Variants in TUBG1 observed in about 807,000 individuals in gnomAD.
TUBG1 encodes tubulin gamma 1.
Under a neutral mutation model 53.3 loss-of-function variants are expected in TUBG1, and 22 were observed. That is an observed-to-expected ratio of 0.41 (90% CI 0.29 to 0.59). TUBG1 has a LOEUF of 0.59. Ranked by LOEUF, TUBG1 falls within the 20% of genes least tolerant of loss-of-function variation. The probability of loss-of-function intolerance (pLI) is 0.26; values close to 1 mark genes in which losing one functional copy is unlikely to be tolerated. For synonymous variants in TUBG1, 198 were observed against 236.7 expected (o/e 0.84, Z 1.50); for missense variants, 217 against 598.9 (o/e 0.36, Z 6.66).
At chr17:42,612,404 C>T (rs760383580) in intron 4 of TUBG1, 23 bp from the exon 5 acceptor site, 1 of 1,612,864 alleles carries the variant, frequency 6.2e-7, no homozygotes, top group Non-Finnish European at 8.5e-7. Context: ...TACCTGTACA[C>T]TGACTGCCCC....
At position 42,610,258 on chromosome 17, in the gene TUBG1, A is replaced by G. The variant is rs371943035; in HGVS notation, c.162+38A>G. ...ACTTGGCCGGGGGCGGCAGTTGCCCAAGGGGGCGGAAGGGAAGGGAGTGGC... is the reference window on the plus strand; with the variant it reads ...ACTTGGCCGGGGGCGGCAGTTGCCCGAGGGGGCGGAAGGGAAGGGAGTGGC... On this transcript the variant is annotated intron_variant, in intron 2 of 10. Transcript: ENST00000251413. 90 of 1,613,598 alleles carry G rather than the reference A, an allele frequency of 5.6e-5. 1 individual carries two copies. In the African/African-American group the frequency reaches 1.0e-3, roughly 18 times the overall value.
At chr17:42,613,221 C>T (rs900250349) in intron 6 of TUBG1, 148 bp downstream of exon 6, 3 of 1,305,092 alleles carry the variant, frequency 2.3e-6, no homozygotes, top group East Asian at 4.8e-5. Flanking sequence ...AGGCCAAGGT[C>T]GTTGGATCGT....
At chr17:42,613,436 A>C (rs1230794487) in intron 6 of TUBG1, among the ~76,000 whole-genome samples, 1 of 146,698 alleles carries the variant, frequency 6.8e-6, no homozygotes, top group Non-Finnish European at 1.5e-5. Flanking sequence ...AAACAAGAAC[A>C]AAAAAAAAAA....
chr17:42,612,368 G>T, intron 4 of TUBG1, 59 bp from the exon 5 acceptor site: 2 of 1,567,952 alleles, frequency 1.3e-6, no homozygotes, highest in Non-Finnish European at 1.8e-6. Flanking sequence ...TATGAGATGG[G>T]TCTAGTTTGA....
At chr17:42,613,604 T>C in intron 6 of TUBG1, 43 bp from the exon 7 acceptor site, 1 of 1,613,894 alleles carries the variant, frequency 6.2e-7, no homozygotes, top group East Asian at 2.2e-5. Flanking sequence ...AGCTCCTGTT[T>C]TTCTTATCCC....
chr17:42,613,429 CAAG>C (rs2052051452), intron 6 of TUBG1, among the ~76,000 whole-genome samples: 1 of 149,362 alleles, frequency 6.7e-6, no homozygotes, highest in Non-Finnish European at 1.5e-5. Flanking sequence ...TCTCAAAAAA[CAAG>C]AACAAAAAAA....
intron 1 of TUBG1, 87 bp from the exon 2 acceptor site, chr17:42,610,021 A>G: frequency 6.7e-7 from 1 of 1,488,852 alleles, no homozygotes; most frequent in South Asian, 1.2e-5. Context: ...TTATCCCTGG[A>G]CGCAGGCGCC....
intron 3 of TUBG1, chr17:42,611,368 A>G (rs12952983): frequency 6.6e-6 from 1 of 151,942 alleles, no homozygotes; most frequent in Admixed American, 6.6e-5. Flanking sequence ...AAAAATTCCC[A>G]CTGGAATTTT....
Position 42,609,789 on chromosome 17 carries a change from G to A in TUBG1, c.49+3G>A, listed in dbSNP as rs1342325542. On this transcript the variant is annotated splice_donor_region_variant and intron_variant, in intron 1 of 10. Transcript: ENST00000251413. Reference sequence around the variant, plus strand: ...GTTGGGCCAGTGCGGCAATCAGAGTGAGCGAAACTCCGGCCCCTCAGCTAG... The same window carrying A: ...GTTGGGCCAGTGCGGCAATCAGAGTAAGCGAAACTCCGGCCCCTCAGCTAG... 6.4e-7 allele frequency: 1 copy of A among 1,551,346 alleles called. No individual in the cohort carries two copies. The highest frequency in any genetic ancestry group is 1.2e-5 in the South Asian group (1 of 84,036).
intron 7 of TUBG1, 28 bp from the exon 8 acceptor site, chr17:42,613,821 G>T (rs772725077): frequency 2.2e-4 from 349 of 1,614,008 alleles, no homozygotes; most frequent in Non-Finnish European, 2.8e-4. Context: ...CCAGGCTGAG[G>T]CCCATAACAT....
Position 42,614,547 on chromosome 17 carries a change from C to T in TUBG1, c.1048C>T (p.Pro350Ser). ...IRERKLANFI[P>S]WGPASIQVAL... ...GGAACGCAAGTTGGCCAACTTCATC[C>T]CGTGGGGCCCCGCCAGCATCCAGGT... Residue 350 changes from proline to serine, a missense_variant, in exon 10 of 11, where the codon CCG becomes TCG. By Grantham distance (74) the Pro-to-Ser change is moderately conservative. This residue lies in a region of TUBG1 where 135 missense variants were observed against 371.2 expected (regional missense o/e 0.36). Coordinates refer to ENST00000251413, the MANE Select transcript of TUBG1 (RefSeq NM_001070.5). The surrounding 1 kb of genome is among the most constrained non-coding windows in gnomAD (Gnocchi z 5.1). 6.2e-7 allele frequency: 1 copy of T among 1,613,812 alleles called. No individual in the cohort carries two copies. Among genetic ancestry groups the T allele is most frequent in the Non-Finnish European group, 8.5e-7 (1 of 1,179,724 alleles).
At chr17:42,612,290 C>T (rs929425259) in intron 4 of TUBG1, 137 bp from the exon 5 acceptor site, 13 of 1,298,876 alleles carry the variant, frequency 1.0e-5, no homozygotes, top group South Asian at 2.5e-5. Context: ...AAGGCAGTTG[C>T]CTAAGCTGTA....
rs765937215 is a variant in TUBG1, at chr17:42,610,225, C to A, written c.162+5C>A. On this transcript the variant is annotated splice_donor_5th_base_variant and intron_variant, in intron 2 of 10. Coordinates refer to ENST00000251413, the MANE Select transcript of TUBG1 (RefSeq NM_001070.5). ...AAGGACGTCTTTTTCTACCAGGTGC[C>A]CCCAGCGACTTGGCCGGGGGCGGCA... is the stretch of plus-strand genomic sequence containing the variant. The A allele has an allele frequency of 6.2e-7, 1 of 1,614,268 alleles. No individual in the cohort carries two copies. Among genetic ancestry groups the A allele is most frequent in the East Asian group, 2.2e-5 (1 of 44,894 alleles).
Position 42,609,792 on chromosome 17 carries a change from C to G in TUBG1, c.49+6C>G, listed in dbSNP as rs1278972997. 3.2e-6 allele frequency: 5 copies of G among 1,550,998 alleles called. No homozygotes were observed. The highest frequency in any genetic ancestry group is 8.7e-7 in the Non-Finnish European group (1 of 1,146,762). ...GGGCCAGTGCGGCAATCAGAGTGAG[C>G]GAAACTCCGGCCCCTCAGCTAGCCA... On this transcript the variant is annotated splice_donor_region_variant and intron_variant, in intron 1 of 10. Transcript: ENST00000251413.
chr17:42,610,670 C>T (rs1392697631), intron 3 of TUBG1, 80 bp downstream of exon 3: 1 of 1,594,406 alleles, frequency 6.3e-7, no homozygotes, highest in Non-Finnish European at 8.6e-7. Flanking sequence ...GAGGGAAAAC[C>T]GGATCAGGGA....
At chr17:42,612,031 C>G in intron 3 of TUBG1, 44 bp from the exon 4 acceptor site, 2 of 1,602,000 alleles carry the variant, frequency 1.2e-6, no homozygotes, top group Non-Finnish European at 1.7e-6. Flanking sequence ...TCAGAGACCT[C>G]CCATGGTTCT....
At chr17:42,610,895 C>T (rs1411058301) in intron 3 of TUBG1, 2 of 328,320 alleles carry the variant, frequency 6.1e-6, no homozygotes, top group African/African-American at 2.1e-5. Context: ...AACCAAAGGA[C>T]ATTTCATAAC....
At chr17:42,610,730 A>G (rs2052025283) in intron 3 of TUBG1, 140 bp downstream of exon 3, 1 of 1,264,152 alleles carries the variant, frequency 7.9e-7, no homozygotes, top group African/African-American at 1.5e-5. Flanking sequence ...GGACTATGTA[A>G]TATTGTCAAG....
rs373586590 is a variant in TUBG1, at chr17:42,614,371, G to A, written c.955G>A (p.Ala319Thr). The change falls in exon 9 of 11, where the codon GCC becomes ACC. Residue 319 changes from alanine to threonine, a missense_variant. By Grantham distance (58) the Ala-to-Thr change is moderately conservative (BLOSUM62 0). Transcript: ENST00000251413. The surrounding 1 kb of genome is among the most constrained non-coding windows in gnomAD (Gnocchi z 5.1). ...RDRQTNHCYI[A>T]ILNIIQGEVD... ...CCGCCAGACCAACCACTGCTACATC[G>A]CCATCCTCAACATCATCCAGGGAGA... 6 of 1,613,752 alleles carry A rather than the reference G, an allele frequency of 3.7e-6. No individual in the cohort carries two copies. Among genetic ancestry groups the A allele is most frequent in the South Asian group, 1.1e-5 (1 of 91,076 alleles).
Sources: gnomAD v4.1 joint callset for allele counts (sites outside exome capture counted in the v4.1 genomes callset) on GRCh38, gnomAD v4.1.1 for gene constraint, gnomAD v4.1.1 regional missense constraint, Gnocchi (gnomAD v3.1) non-coding constraint, MANE v1.5 for transcripts, NCBI Gene and HGNC (gene_info 2026-07-23, HGNC 2026-07-21) for gene names.